The following CATSPERG variants were observed in gnomAD, a reference collection of about 807,000 sequenced individuals.
The protein encoded by CATSPERG is cation channel sperm-associated auxiliary subunit gamma.
CATSPERG carries 115 observed loss-of-function variants against 145.0 expected under a neutral mutation model. That is an observed-to-expected ratio of 0.79 (90% CI 0.68 to 0.93). The LOEUF (loss-of-function observed/expected upper bound fraction) is 0.93, where lower values mean the gene tolerates loss of function less well. CATSPERG is among the 40% of genes least tolerant of loss of function. CATSPERG has a pLI of 0.00. For synonymous variants in CATSPERG, 588 were observed against 589.0 expected (o/e 1.00, Z 0.02); for missense variants, 1,296 against 1,490.1 (o/e 0.87, Z 2.14).
chr19:38,369,749 A>G, intron 26 of CATSPERG: 1 of 582,578 alleles, frequency 1.7e-6, no homozygotes, highest in Admixed American at 2.8e-5. Context: ...AGGAATTGAC[A>G]GATGGAGGTG....
At chr19:38,359,836 C>T in intron 14 of CATSPERG, 1 of 1,222,446 alleles carries the variant, frequency 8.2e-7, no homozygotes, top group Non-Finnish European at 1.0e-6. Context: ...TGGTCGTTCA[C>T]TTCATAAATA....
intron 19 of CATSPERG, 57 bp from the exon 20 acceptor site, chr19:38,362,657 G>C (rs2302183): frequency 6.2e-7 from 1 of 1,603,808 alleles, no homozygotes; most frequent in Non-Finnish European, 8.5e-7. Flanking sequence ...GGACACCATC[G>C]GAGGGGCGGG....
intron 8 of CATSPERG, 136 bp downstream of exon 8, chr19:38,352,568 C>A: frequency 1.2e-6 from 1 of 807,834 alleles, no homozygotes; most frequent in Non-Finnish European, 2.0e-6. Context: ...ATCACCCTTG[C>A]CCACCCCGAA....
intron 11 of CATSPERG, among the ~76,000 whole-genome samples, chr19:38,357,278 G>A (rs375758085): frequency 1.7e-4 from 26 of 150,422 alleles, no homozygotes; most frequent in African/African-American, 6.1e-4. Context: ...GGGAGGCCAA[G>A]GCCAGAGGAT....
chr19:38,341,014 C>T (rs1031789882), intron 3 of CATSPERG, among the ~76,000 whole-genome samples: 5 of 151,932 alleles, frequency 3.3e-5, no homozygotes, highest in African/African-American at 4.8e-5. Flanking sequence ...CTTTCCAGGC[C>T]GAGGGAAGAG....
At chr19:38,358,929 A>T (rs1456953017) in intron 13 of CATSPERG, among the ~76,000 whole-genome samples, 7 of 152,030 alleles carry the variant, frequency 4.6e-5, no homozygotes, top group Non-Finnish European at 7.4e-5. Context: ...GGCTCACTGC[A>T]GCCCCCGCCT....
At chr19:38,348,776 G>A (rs1970086473) in intron 7 of CATSPERG, among the ~76,000 whole-genome samples, 1 of 152,082 alleles carries the variant, frequency 6.6e-6, no homozygotes, top group South Asian at 2.1e-4. Flanking sequence ...CCTGGTCATA[G>A]AGAAGGTGTT....
At chr19:38,356,629 G>C in intron 10 of CATSPERG, 86 bp downstream of exon 10, 1 of 1,590,296 alleles carries the variant, frequency 6.3e-7, no homozygotes, top group Non-Finnish European at 8.6e-7. Flanking sequence ...GGGGTCATGG[G>C]AAAGAATGGG....
intron 8 of CATSPERG, among the ~76,000 whole-genome samples, chr19:38,352,865 T>C (rs892546379): frequency 2.7e-5 from 4 of 149,884 alleles, no homozygotes; most frequent in South Asian, 2.1e-4. Flanking sequence ...GGGAAACTCA[T>C]TGGAGAGGAA....
chr19:38,348,351 C>T (rs115866166), intron 7 of CATSPERG, among the ~76,000 whole-genome samples: 2,818 of 151,732 alleles, frequency 0.019, 77 homozygotes, highest in African/African-American at 0.056. Flanking sequence ...TGTAGAGACA[C>T]GGTCTCACTA....
At chr19:38,342,665 G>A (rs1026494405) in intron 3 of CATSPERG, among the ~76,000 whole-genome samples, 2 of 150,824 alleles carry the variant, frequency 1.3e-5, no homozygotes, top group African/African-American at 4.9e-5. Flanking sequence ...CAGCCCTCTC[G>A]ATGAAGGGCT....
chr19:38,362,307 G>A (rs1600477914), intron 18 of CATSPERG, 35 bp downstream of exon 18: 7 of 1,613,560 alleles, frequency 4.3e-6, no homozygotes, highest in Non-Finnish European at 5.9e-6. Context: ...GGAAAGGGGC[G>A]GCGCCCGGAC....
Position 38,346,523 on chromosome 19 carries a change from C to T in CATSPERG, c.743C>T (p.Pro248Leu), listed in dbSNP as rs770347780. 1.3e-6 allele frequency: 2 copies of T among 1,551,626 alleles called. No homozygotes were observed. The highest frequency in any genetic ancestry group is 1.7e-6 in the Non-Finnish European group (2 of 1,146,926). ...RPLWHTVDQSPVLILGGIPNE... is the reference protein window; with the variant it reads ...RPLWHTVDQSLVLILGGIPNE... ...TTGTGGCACACTGTGGACCAGTCAC[C>T]TGTGCTTATCCTGGGAGGCATTCCC... The change falls in exon 7 of 29, where the codon CCT (proline) becomes CTT (leucine). Residue 248 changes from proline to leucine, a missense_variant. By Grantham distance (98) the Pro-to-Leu change is moderately conservative. Transcript: ENST00000409235.
chr19:38,344,090 T>C lies in CATSPERG; in HGVS notation c.567T>C (p.Asn189=). 20 of 1,551,554 alleles carry C rather than the reference T, an allele frequency of 1.3e-5. No individual in the cohort carries two copies. The highest frequency in any genetic ancestry group is 1.7e-5 in the Non-Finnish European group (19 of 1,146,936). ...TCATGCGTGTGGACATCAGCAGCAA[T>C]GGCCTGGGGACCTTCATTCCAGATA... is the stretch of plus-strand genomic sequence containing the variant. The part of the protein sequence containing the change: ...SVVMRVDISS[N]GLGTFIPDKR... The change falls in exon 5 of 29, where the codon AAT becomes AAC. Residue 189 remains asparagine, a synonymous_variant. Coordinates refer to ENST00000409235, the MANE Select transcript of CATSPERG (RefSeq NM_021185.5).
intron 8 of CATSPERG, among the ~76,000 whole-genome samples, chr19:38,354,019 G>C (rs200118242): frequency 9.4e-6 from 1 of 105,824 alleles, no homozygotes; most frequent in African/African-American, 3.4e-5. Flanking sequence ...AAAAAAAAAA[G>C]ATACCAAAGC....
intron 26 of CATSPERG, 85 bp from the exon 27 acceptor site, chr19:38,369,887 G>A (rs538028393): frequency 1.4e-4 from 187 of 1,297,832 alleles, no homozygotes; most frequent in Non-Finnish European, 1.8e-4. Context: ...GGTCCTCACC[G>A]AAAACATTGG....
At chr19:38,343,462 G>T (rs753484083) in intron 3 of CATSPERG, 118 bp from the exon 4 acceptor site, 13 of 899,612 alleles carry the variant, frequency 1.4e-5, no homozygotes, top group Admixed American at 8.5e-5. Flanking sequence ...ACCATCACAT[G>T]GTGGACAGTG....
At chr19:38,361,554 C>A in intron 16 of CATSPERG, 94 bp from the exon 17 acceptor site, 2 of 1,003,252 alleles carry the variant, frequency 2.0e-6, no homozygotes, top group Non-Finnish European at 3.0e-6. Context: ...GGATTCGATA[C>A]GGGAAGTGGG....
chr19:38,370,858 C>G lies in CATSPERG; in HGVS notation c.*66C>G, dbSNP rs1970535636. ...TCTTATGAGGCCCATCTTGAAGATG[C>G]AACCTGTCACCCAGCCCAGGCCTCT... On this transcript the variant is annotated 3_prime_UTR_variant, in exon 29 of 29. Coordinates refer to ENST00000409235, the MANE Select transcript of CATSPERG (RefSeq NM_021185.5). 11 of 1,527,614 alleles carry G rather than the reference C, an allele frequency of 7.2e-6. No homozygotes were observed. The highest frequency in any genetic ancestry group is 2.7e-5 in the African/African-American group (2 of 73,368). 94.6% of individuals were successfully genotyped at this position (1,527,614 alleles called of 1,614,324 possible).
Sources: gnomAD v4.1 joint callset for allele counts (sites outside exome capture counted in the v4.1 genomes callset) on GRCh38, gnomAD v4.1.1 for gene constraint, MANE v1.5 for transcripts, NCBI Gene and HGNC (gene_info 2026-07-23, HGNC 2026-07-21) for gene names.